Variants in ACTL8 observed in about 807,000 individuals in gnomAD.
The protein encoded by ACTL8 is actin like 8, also known as actin-like protein 8.
In ACTL8, 3 loss-of-function variants were observed where a neutral mutation model predicts 9.3. The observed-to-expected ratio is 0.32, with a 90% CI of 0.15 to 0.83. The LOEUF (loss-of-function observed/expected upper bound fraction) is 0.83, where lower values mean the gene tolerates loss of function less well. Ranked by LOEUF, ACTL8 falls within the 40% of genes least tolerant of loss-of-function variation. The pLI is 0.57. For synonymous variants in ACTL8, 224 were observed against 205.9 expected (o/e 1.09, Z -0.75); for missense variants, 381 against 492.2 (o/e 0.77, Z 2.14).
chr1:17,791,186 G>C (rs1304981092), intron 1 of ACTL8, among the ~76,000 whole-genome samples: 1 of 152,118 alleles, frequency 6.6e-6, no homozygotes, highest in African/African-American at 2.4e-5. Context: ...GGCACCCAGG[G>C]ATCTCCTGCC....
At chr1:17,761,856 C>G (rs1462376446) in intron 1 of ACTL8, among the ~76,000 whole-genome samples, 1 of 152,184 alleles carries the variant, frequency 6.6e-6, no homozygotes, top group Non-Finnish European at 1.5e-5. Context: ...CAGGCGTGAG[C>G]TGCCGCGCCC....
chr1:17,807,050 G>C (rs1171454650), intron 1 of ACTL8, among the ~76,000 whole-genome samples: 1 of 152,150 alleles, frequency 6.6e-6, no homozygotes, highest in African/African-American at 2.4e-5. Context: ...TCCATCTTCA[G>C]ATCTGGCAGC....
intron 1 of ACTL8, among the ~76,000 whole-genome samples, chr1:17,793,860 G>T (rs184435302): frequency 6.6e-6 from 1 of 152,160 alleles, no homozygotes; most frequent in African/African-American, 2.4e-5. Flanking sequence ...TGTGTGGGGA[G>T]AATTGGTATT....
At position 17,826,901 on chromosome 1, in the gene ACTL8, T is replaced by C. The variant is rs1397654265; in HGVS notation, c.*382T>C. ...ACTGGGGTAGCACTCCTGCTAGGAG[T>C]CCCAATTATTTTTGACTAGGGGATG... is the stretch of plus-strand genomic sequence containing the variant. On this transcript the variant is annotated 3_prime_UTR_variant, in exon 3 of 3. Coordinates refer to ENST00000375406, the MANE Select transcript of ACTL8 (RefSeq NM_030812.3). The surrounding 1 kb of genome is among the most constrained non-coding windows in gnomAD (Gnocchi z 4.5). 3 of 159,794 alleles carry C rather than the reference T, an allele frequency of 1.9e-5. No homozygotes were observed. Among genetic ancestry groups the C allele is most frequent in the Non-Finnish European group, 4.1e-5 (3 of 73,480 alleles). 9.9% of individuals were successfully genotyped at this position (159,794 alleles called of 1,614,324 possible).
Position 17,781,414 on chromosome 1 carries a change from T to C in ACTL8, c.-25+25910T>C, listed in dbSNP as rs572832480. On this transcript the variant is annotated intron_variant, in intron 1 of 2. Coordinates refer to ENST00000375406, the MANE Select transcript of ACTL8 (RefSeq NM_030812.3). ...GCCACCACGCCTGCTAATTTTTGTA[T>C]TTTTAGTAGAGACGTGGTTTTGCCA... Among the ~76,000 whole-genome samples, 133 of 152,168 alleles carry C rather than the reference T, an allele frequency of 8.7e-4. 1 individual carries two copies. Among genetic ancestry groups the C allele is most frequent in the African/African-American group, 3.1e-3 (130 of 41,510 alleles).
At chr1:17,781,233 CTTTCT>C (rs934980493) in intron 1 of ACTL8, among the ~76,000 whole-genome samples, 1 of 141,176 alleles carries the variant, frequency 7.1e-6, no homozygotes, top group Non-Finnish European at 1.6e-5. Context: ...GGAACATTTT[CTTTCT>C]TTTTTTTTTT....
At chr1:17,817,059 G>C (rs562182763) in intron 1 of ACTL8, among the ~76,000 whole-genome samples, 1 of 151,778 alleles carries the variant, frequency 6.6e-6, no homozygotes, top group African/African-American at 2.4e-5. Flanking sequence ...GTTTTGTTTT[G>C]TTTTTTGTTT....
Position 17,826,832 on chromosome 1 carries a change from A to G in ACTL8, c.*313A>G. 4.6e-6 allele frequency: 1 copy of G among 218,710 alleles called. No homozygotes were observed. The allele number at this position is 218,710 out of a possible 1,614,324, so 13.5% of individuals were successfully genotyped here. On this transcript the variant is annotated 3_prime_UTR_variant, in exon 3 of 3. Transcript: ENST00000375406. The surrounding 1 kb of genome is among the most constrained non-coding windows in gnomAD (Gnocchi z 4.5). ...TGAGAGCCACTGATTTTTCATTGGC[A>G]TTTCCCCTGGTTTGTCTCATTCTTC...
At chr1:17,757,959 G>T (rs190906315) in intron 1 of ACTL8, among the ~76,000 whole-genome samples, 31 of 152,298 alleles carry the variant, frequency 2.0e-4, no homozygotes, top group Middle Eastern at 3.4e-3. Context: ...GAATCCAAAG[G>T]CTTGGGGAGA....
chr1:17,760,061 A>G (rs1297458554), intron 1 of ACTL8, among the ~76,000 whole-genome samples: 2 of 152,180 alleles, frequency 1.3e-5, no homozygotes, highest in Non-Finnish European at 2.9e-5. Flanking sequence ...TCCTGTGGAC[A>G]TTTCCAATTT....
chr1:17,804,043 A>G (rs563362333), intron 1 of ACTL8, among the ~76,000 whole-genome samples: 1 of 152,352 alleles, frequency 6.6e-6, no homozygotes. Context: ...GGCTCAAAGA[A>G]AACAAGGAAA....
At chr1:17,770,518 TG>T (rs2066075799) in intron 1 of ACTL8, among the ~76,000 whole-genome samples, 2 of 152,122 alleles carry the variant, frequency 1.3e-5, no homozygotes, top group South Asian at 4.1e-4. Flanking sequence ...GTCTGGAGGG[TG>T]TTCGTGGATT....
Position 17,826,342 on chromosome 1 carries a change from A to G in ACTL8, c.924A>G (p.Thr308=). ...CGGNTLYPGF[T]KRLFRELMGD... is the part of the protein sequence containing the mutation. ...GCAACACCCTCTATCCCGGGTTCAC[A>G]AAGCGCCTGTTCAGGGAGCTGATGG... The change falls in exon 3 of 3, where the codon ACA becomes ACG. Residue 308 remains threonine, a synonymous_variant. Coordinates refer to ENST00000375406, the MANE Select transcript of ACTL8 (RefSeq NM_030812.3). The surrounding 1 kb of genome is among the most constrained non-coding windows in gnomAD (Gnocchi z 4.5). 3.1e-6 allele frequency: 5 copies of G among 1,613,950 alleles called. No individual in the cohort carries two copies. Among genetic ancestry groups the G allele is most frequent in the Non-Finnish European group, 4.2e-6 (5 of 1,179,942 alleles).
In ACTL8 at chr1:17,826,193, T is replaced by G; in HGVS notation, c.775T>G (p.Phe259Val). 3 of 1,613,308 alleles carry G rather than the reference T, an allele frequency of 1.9e-6. No homozygotes were observed. Among genetic ancestry groups the G allele is most frequent in the Non-Finnish European group, 2.5e-6 (3 of 1,179,944 alleles). The change falls in exon 3 of 3, where the codon TTC becomes GTC. Residue 259 changes from phenylalanine (F) to valine (V), a missense_variant. Phe to Val is a conservative substitution (Grantham distance 50, BLOSUM62 -1). Around this residue, in one of 3 missense-constraint regions of ACTL8, gnomAD observed 243 missense variants for 276.2 expected, o/e 0.88. Transcript: ENST00000375406. This position sits in a 1 kb window ranked among gnomAD's most constrained non-coding sequence, Gnocchi z 4.5. ...TPMQRVAPEMFFSPQVFEQPG... is the reference protein window; with the variant it reads ...TPMQRVAPEMVFSPQVFEQPG... ...CATGCAGCGGGTGGCTCCTGAGATG[T>G]TCTTTAGCCCGCAGGTGTTCGAGCA...
chr1:17,764,836 TC>T (rs1198277176), intron 1 of ACTL8, among the ~76,000 whole-genome samples: 7 of 152,264 alleles, frequency 4.6e-5, no homozygotes, highest in Admixed American at 2.6e-4. Flanking sequence ...TGTCTCCCTT[TC>T]CATCTCTCCA....
intron 1 of ACTL8, among the ~76,000 whole-genome samples, chr1:17,798,846 C>T (rs112840481): frequency 3.3e-5 from 5 of 152,274 alleles, no homozygotes; most frequent in African/African-American, 1.2e-4. Flanking sequence ...TGTGTGCATC[C>T]GTGTAAAATA....
At chr1:17,768,598 T>G (rs985559725) in intron 1 of ACTL8, among the ~76,000 whole-genome samples, 1 of 152,184 alleles carries the variant, frequency 6.6e-6, no homozygotes, top group African/African-American at 2.4e-5. Context: ...TCTGAGCCAG[T>G]GAACGGGCTG....
At chr1:17,783,315 T>G (rs983261319) in intron 1 of ACTL8, among the ~76,000 whole-genome samples, 4 of 151,788 alleles carry the variant, frequency 2.6e-5, no homozygotes, top group African/African-American at 9.7e-5. Flanking sequence ...TCATGAGATC[T>G]GATGGTTTTA....
chr1:17,826,214 G>C lies in ACTL8; in HGVS notation c.796G>C (p.Glu266Gln). The C allele has an allele frequency of 1.2e-6, 2 of 1,613,408 alleles. No individual in the cohort carries two copies. The highest frequency in any genetic ancestry group is 2.2e-5 in the East Asian group (1 of 44,868). Residue 266 changes from glutamate to glutamine, a missense_variant, in exon 3 of 3, where the codon GAG becomes CAG. Transcript: ENST00000375406. The surrounding 1 kb of genome is among the most constrained non-coding windows in gnomAD (Gnocchi z 4.5). The stretch of plus-strand genomic sequence containing the variant: ...GATGTTCTTTAGCCCGCAGGTGTTC[G>C]AGCAGCCGGGGCCCAGCATCCCACG... The part of the protein sequence containing the change: ...PEMFFSPQVF[E>Q]QPGPSIPRAI...
Sources: gnomAD v4.1 joint callset for allele counts (sites outside exome capture counted in the v4.1 genomes callset) on GRCh38, gnomAD v4.1.1 for gene constraint, gnomAD v4.1.1 regional missense constraint, Gnocchi (gnomAD v3.1) non-coding constraint, MANE v1.5 for transcripts, NCBI Gene and HGNC (gene_info 2026-07-23, HGNC 2026-07-21) for gene names.